Variants in PGPEP1 observed in about 807,000 individuals in gnomAD.
PGPEP1 encodes pyroglutamyl-peptidase 1.
Under a neutral mutation model 24.1 loss-of-function variants are expected in PGPEP1, and 15 were observed. The ratio of observed to expected loss-of-function variants is 0.62; its 90% CI spans 0.42 to 0.96. The LOEUF (loss-of-function observed/expected upper bound fraction) is 0.96, where lower values mean the gene tolerates loss of function less well. Ranked by LOEUF, PGPEP1 falls within the 40% of genes least tolerant of loss-of-function variation. The probability of loss-of-function intolerance (pLI) is 0.00; values close to 1 mark genes in which losing one functional copy is unlikely to be tolerated. For synonymous variants in PGPEP1, 122 were observed against 116.4 expected (o/e 1.05, Z -0.31); for missense variants, 242 against 273.4 (o/e 0.89, Z 0.81).
chr19:18,362,726 CA>C lies in PGPEP1; in HGVS notation c.438-646del, dbSNP rs71166506. 4.1e-3 allele frequency among the ~76,000 whole-genome samples: 356 copies of C among 85,854 alleles called. 2 individuals carry two copies. The highest frequency in any genetic ancestry group is 0.011 in the African/African-American group (214 of 19,306). 56.3% of individuals were successfully genotyped at this position (85,854 alleles called of 152,430 possible). ...CTGAGCAACAGAGCAGACTCTGTCTCAAAAAAAAAAAAAAAAAAAGCCAGTG... is the reference window on the plus strand; with the variant it reads ...CTGAGCAACAGAGCAGACTCTGTCTCAAAAAAAAAAAAAAAAAAGCCAGTG... On this transcript the variant is annotated intron_variant, in intron 4 of 4. Coordinates refer to ENST00000269919, the MANE Select transcript of PGPEP1 (RefSeq NM_017712.4).
In PGPEP1 at chr19:18,368,740, C is replaced by G. The variant is rs1971624241; in HGVS notation, c.*5157C>G. The G allele has an allele frequency of 6.5e-6, 1 of 152,742 alleles. No homozygotes were observed. Among genetic ancestry groups the G allele is most frequent in the South Asian group, 2.1e-4 (1 of 4,826 alleles). The allele number at this position is 152,742 out of a possible 1,614,324, so 9.5% of individuals were successfully genotyped here. A position where few individuals can be genotyped will look rare whatever the true frequency, so the allele number is the denominator to read the frequency against. On this transcript the variant is annotated 3_prime_UTR_variant, in exon 5 of 5. Coordinates refer to ENST00000269919, the MANE Select transcript of PGPEP1 (RefSeq NM_017712.4). ...GACTGTTGGCCTTTGACCTCTCTGCCTCTTGTGGCGTCTGAACCTAGACGT... is the reference window on the plus strand; with the variant it reads ...GACTGTTGGCCTTTGACCTCTCTGCGTCTTGTGGCGTCTGAACCTAGACGT...
In PGPEP1 at chr19:18,364,888, G is replaced by A. The variant is rs1225012867; in HGVS notation, c.*1305G>A. 1.3e-5 allele frequency: 2 copies of A among 151,870 alleles called. No homozygotes were observed. The highest frequency in any genetic ancestry group is 1.5e-5 in the Non-Finnish European group (1 of 68,000). The allele number at this position is 151,870 out of a possible 1,614,324, so 9.4% of individuals were successfully genotyped here. On this transcript the variant is annotated 3_prime_UTR_variant, in exon 5 of 5. Transcript: ENST00000269919. ...AACCCCCCCCTACTTCTGGCCTGGA[G>A]CTTCAGGGTTTTGGTGCTGGGACGA...
intron 2 of PGPEP1, chr19:18,349,194 G>C: frequency 3.9e-6 from 3 of 771,726 alleles, no homozygotes; most frequent in Non-Finnish European, 4.7e-6. Flanking sequence ...TTTTATTTTT[G>C]TTTTTGAGAC....
chr19:18,358,534 A>G (rs4808786), intron 4 of PGPEP1, among the ~76,000 whole-genome samples: 5,733 of 151,560 alleles, frequency 0.038, 368 homozygotes, highest in East Asian at 0.33. Flanking sequence ...TGCTGGGATT[A>G]CAGGCATGAG....
In PGPEP1 at chr19:18,357,335, GAGTCCCACGGGC is replaced by G. The variant is rs751648137; in HGVS notation, c.205-45_205-34del. On this transcript the variant is annotated intron_variant, in intron 3 of 4. Transcript: ENST00000269919. ...TCCCTGGCCTCAGGGGGACCCCTCT[GAGTCCCACGGGC>G]AGGCCATGTTAAGTCCTGCCCCTGT... 5 of 1,468,932 alleles carry G rather than the reference GAGTCCCACGGGC, an allele frequency of 3.4e-6. No homozygotes were observed. In the Admixed American group the frequency reaches 8.9e-5, roughly 26 times the overall value. The allele number at this position is 1,468,932 out of a possible 1,614,324, so 91.0% of individuals were successfully genotyped here.
chr19:18,346,590 T>C (rs1374523904), intron 2 of PGPEP1, among the ~76,000 whole-genome samples: 2 of 150,946 alleles, frequency 1.3e-5, no homozygotes, highest in East Asian at 2.0e-4. Context: ...TGTCTCTCTC[T>C]CTGTCACTTT....
chr19:18,340,794 G>T, intron 1 of PGPEP1, 79 bp downstream of exon 1: 2 of 1,082,352 alleles, frequency 1.8e-6, no homozygotes, highest in Non-Finnish European at 1.2e-6. Flanking sequence ...GGGGCCGAGA[G>T]GGGCAGGTGC....
intron 4 of PGPEP1, among the ~76,000 whole-genome samples, chr19:18,360,552 C>T (rs374967270): frequency 2.6e-4 from 39 of 151,966 alleles, no homozygotes; most frequent in African/African-American, 8.9e-4. Flanking sequence ...CTTGCTCTGT[C>T]GCCCAGGCTG....
Position 18,366,448 on chromosome 19 carries a change from C to T in PGPEP1, c.*2865C>T, listed in dbSNP as rs1156826534. On this transcript the variant is annotated 3_prime_UTR_variant, in exon 5 of 5. Coordinates refer to ENST00000269919, the MANE Select transcript of PGPEP1 (RefSeq NM_017712.4). ...TCCTCATAATGCACAACATTTGGCT[C>T]ATTTTATTTTTCTCATTGTTATTTT... 1.3e-5 allele frequency: 2 copies of T among 152,076 alleles called. No homozygotes were observed. The highest frequency in any genetic ancestry group is 2.9e-5 in the Non-Finnish European group (2 of 68,016). 9.4% of individuals were successfully genotyped at this position (152,076 alleles called of 1,614,324 possible).
chr19:18,344,534 AT>A, intron 2 of PGPEP1, among the ~76,000 whole-genome samples: 1 of 133,442 alleles, frequency 7.5e-6, no homozygotes, highest in Non-Finnish European at 1.6e-5. Context: ...TGTACCCCCC[AT>A]TTTTTAATCA....
chr19:18,345,120 C>T (rs1037077380), intron 2 of PGPEP1, among the ~76,000 whole-genome samples: 2 of 152,044 alleles, frequency 1.3e-5, no homozygotes, highest in African/African-American at 2.4e-5. Context: ...CCTGCCTCAG[C>T]CTCCCTTAGT....
rs764288473 is a variant in PGPEP1, at chr19:18,357,410, A to G, written c.232A>G (p.Met78Val). ...GGTGGTGCATGTGGGGGTGTCAGGC[A>G]TGGCGACCACAGTCACACTGGAGAA... ...QLVVHVGVSG[M>V]ATTVTLEKCG... The change falls in exon 4 of 5, where the codon ATG becomes GTG. Residue 78 changes from methionine to valine, a missense_variant. Transcript: ENST00000269919. 3 of 1,613,930 alleles carry G rather than the reference A, an allele frequency of 1.9e-6. No homozygotes were observed. In the Admixed American group the frequency reaches 5.0e-5, roughly 27 times the overall value.
intron 2 of PGPEP1, among the ~76,000 whole-genome samples, 189 bp from the exon 3 acceptor site, chr19:18,355,706 G>C (rs1439310301): frequency 6.6e-6 from 1 of 152,184 alleles, no homozygotes; most frequent in Non-Finnish European, 1.5e-5. Flanking sequence ...ACCTTCCATA[G>C]AGATACAGAG....
At position 18,367,244 on chromosome 19, in the gene PGPEP1, G is replaced by C; in HGVS notation, c.*3661G>C. Reference sequence around the variant, plus strand: ...CTCATTTTCAGAGCCTGGGGTAGGGGCTACAGGTGGCATAGGAAGGGTCTG... The same window carrying C: ...CTCATTTTCAGAGCCTGGGGTAGGGCCTACAGGTGGCATAGGAAGGGTCTG... On this transcript the variant is annotated 3_prime_UTR_variant, in exon 5 of 5. Transcript: ENST00000269919. 1 of 152,266 alleles carries C rather than the reference G, an allele frequency of 6.6e-6. No homozygotes were observed. The highest frequency in any genetic ancestry group is 1.5e-5 in the Non-Finnish European group (1 of 68,108). The allele number at this position is 152,266 out of a possible 1,614,324, so 9.4% of individuals were successfully genotyped here.
intron 2 of PGPEP1, among the ~76,000 whole-genome samples, chr19:18,347,131 C>T (rs542424575): frequency 2.0e-5 from 3 of 150,820 alleles, no homozygotes; most frequent in South Asian, 2.1e-4. Flanking sequence ...GTCGATTGAA[C>T]GAGTGAGGTG....
chr19:18,364,141 T>TTTCTTTCTTTCTTTCTTTCC lies in PGPEP1; in HGVS notation c.*559_*560insTCTTTCTTTCTTTCTTTCCT, dbSNP rs1971454527. On this transcript the variant is annotated 3_prime_UTR_variant, in exon 5 of 5. Coordinates refer to ENST00000269919, the MANE Select transcript of PGPEP1 (RefSeq NM_017712.4). ...CTTTCTTTCTTTCTTGCTTTCTTTC[T>TTTCTTTCTTTCTTTCTTTCC]TCTCTCTCTCTCTTTTTTTTTTTTT... is the stretch of plus-strand genomic sequence containing the variant. The TTTCTTTCTTTCTTTCTTTCC allele has an allele frequency of 1.7e-5, 2 of 118,258 alleles. No individual in the cohort carries two copies. Among genetic ancestry groups the TTTCTTTCTTTCTTTCTTTCC allele is most frequent in the Admixed American group, 1.9e-4 (2 of 10,330 alleles). The allele number at this position is 118,258 out of a possible 1,614,324, so 7.3% of individuals were successfully genotyped here.
At chr19:18,355,126 G>A (rs538830955) in intron 2 of PGPEP1, among the ~76,000 whole-genome samples, 29 of 150,236 alleles carry the variant, frequency 1.9e-4, no homozygotes, top group African/African-American at 4.4e-4. Context: ...ACGCCGCCAC[G>A]CCCAGCCAAT....
chr19:18,356,122 T>C, intron 3 of PGPEP1, 111 bp downstream of exon 3: 2 of 707,628 alleles, frequency 2.8e-6, no homozygotes, highest in Admixed American at 1.9e-5. Context: ...ACCAATGCCA[T>C]ACAGCCTTGT....
chr19:18,342,912 G>A lies in PGPEP1; in HGVS notation c.87+1G>A. ...GAACGCCAGTTGGATTGCAGTTCAGGTAACTTAGATCCGGAGGGTGGGAGT... is the reference window on the plus strand; with the variant it reads ...GAACGCCAGTTGGATTGCAGTTCAGATAACTTAGATCCGGAGGGTGGGAGT... On this transcript the variant is annotated splice_donor_variant, in intron 2 of 4. Transcript: ENST00000269919. LOFTEE classifies it high-confidence loss of function. The A allele has an allele frequency of 1.2e-6, 2 of 1,612,202 alleles. No homozygotes were observed. Among genetic ancestry groups the A allele is most frequent in the Non-Finnish European group, 1.7e-6 (2 of 1,178,274 alleles).
Sources: gnomAD v4.1 joint callset for allele counts (sites outside exome capture counted in the v4.1 genomes callset) on GRCh38, gnomAD v4.1.1 for gene constraint, MANE v1.5 for transcripts, NCBI Gene and HGNC (gene_info 2026-07-23, HGNC 2026-07-21) for gene names.